Variants in ERG observed in about 807,000 individuals in gnomAD.
The protein encoded by ERG is transcriptional regulator ERG.
Under a neutral mutation model 55.3 loss-of-function variants are expected in ERG, and 9 were observed. That is an observed-to-expected ratio of 0.16 (90% CI 0.10 to 0.28). ERG has a LOEUF of 0.28. ERG is among the 10% of genes least tolerant of loss of function. The probability of loss-of-function intolerance (pLI) is 1.00; values close to 1 mark genes in which losing one functional copy is unlikely to be tolerated. For synonymous variants in ERG, 223 were observed against 237.3 expected (o/e 0.94, Z 0.55); for missense variants, 434 against 631.6 (o/e 0.69, Z 3.35).
intron 1 of ERG, among the ~76,000 whole-genome samples, chr21:38,581,916 G>A (rs1032657501): frequency 3.2e-4 from 48 of 152,102 alleles, no homozygotes; most frequent in African/African-American, 1.1e-3. Context: ...GGTGGTGGAC[G>A]CCTGTAGTCC....
rs763214429 is a variant in ERG at position 38,403,748 on chromosome 21, C to A, written c.389-39G>T. On this transcript the variant is annotated intron_variant, in intron 3 of 9. Transcript: ENST00000288319. ...GAACACATTCAGTCAATTCCTGAAG[C>A]CAGGGATCTTCATCTTGGGGTAGAT... The A allele has an allele frequency of 2.4e-5, 38 of 1,590,316 alleles. No homozygotes were observed. The East Asian group carries it at 7.6e-4, about 32-fold the overall frequency.
At chr21:38,539,062 TA>T (rs1007557087) in intron 2 of ERG, among the ~76,000 whole-genome samples, 6 of 152,352 alleles carry the variant, frequency 3.9e-5, no homozygotes, top group Admixed American at 2.6e-4. Context: ...CTATTTCTTT[TA>T]TGTCATTCAC....
chr21:38,653,959 G>A (rs1162194754), intron 1 of ERG, among the ~76,000 whole-genome samples: 2 of 152,238 alleles, frequency 1.3e-5, no homozygotes, highest in African/African-American at 2.4e-5. Flanking sequence ...TGCTCGTAAT[G>A]TACAAACAAA....
intron 1 of ERG, among the ~76,000 whole-genome samples, chr21:38,611,090 C>G (rs566019700): frequency 1.3e-5 from 2 of 152,274 alleles, no homozygotes; most frequent in South Asian, 4.1e-4. Flanking sequence ...GGGCTTCACC[C>G]TTGGCTCACT....
In ERG at chr21:38,596,621, C is replaced by T. The variant is rs192253225; in HGVS notation, c.-149-11676G>A. 1.6e-3 allele frequency among the ~76,000 whole-genome samples: 243 copies of T among 152,348 alleles called. 1 individual carries two copies. Among genetic ancestry groups the T allele is most frequent in the African/African-American group, 4.5e-3 (188 of 41,576 alleles). On this transcript the variant is annotated intron_variant, in intron 1 of 10. Coordinates refer to the ERG transcript ENST00000398910. Reference sequence around the variant, plus strand: ...TCCTGATGACAGAAATTCAACTACACAGGTACATGCAAGCTAATATCTGTT... The same window carrying T: ...TCCTGATGACAGAAATTCAACTACATAGGTACATGCAAGCTAATATCTGTT...
upstream of ERG, among the ~76,000 whole-genome samples, chr21:38,500,211 CTGAT>C (rs1248256873): frequency 2.6e-5 from 4 of 152,196 alleles, no homozygotes; most frequent in African/African-American, 9.6e-5. Flanking sequence ...CACATGGCAC[CTGAT>C]TATGCCTTTA....
intron 2 of ERG, among the ~76,000 whole-genome samples, chr21:38,545,794 C>T (rs182108294): frequency 1.5e-4 from 23 of 152,304 alleles, no homozygotes; most frequent in Admixed American, 1.4e-3. Flanking sequence ...CATCCAATCC[C>T]AAAGAAACTG....
Position 38,428,130 on chromosome 21 carries a change from G to A in ERG, c.237-4569C>T, listed in dbSNP as rs563277870. 8.3e-4 allele frequency among the ~76,000 whole-genome samples: 125 copies of A among 151,100 alleles called. 6 individuals are homozygous for A. The highest frequency in any genetic ancestry group is 3.4e-3 in the Middle Eastern group (1 of 292). On this transcript the variant is annotated intron_variant, in intron 2 of 9. Transcript: ENST00000288319. ...GGGGAGGTTGAGACTGCAGTGAGCT[G>A]AGATCATGCTACTGCACTGCAGCCT...
intron 2 of ERG, among the ~76,000 whole-genome samples, chr21:38,516,497 C>T (rs1418111772): frequency 1.3e-5 from 2 of 151,904 alleles, no homozygotes; most frequent in African/African-American, 4.8e-5. Context: ...ACTGCATGGT[C>T]ATGGATCAGA....
intron 6 of ERG, among the ~76,000 whole-genome samples, chr21:38,392,738 T>C (rs914775835): frequency 6.6e-6 from 1 of 152,354 alleles, no homozygotes; most frequent in East Asian, 1.9e-4. Flanking sequence ...TAAAAGTTTC[T>C]TACAATCTAG....
rs546676207 is a variant in ERG at position 38,657,402 on chromosome 21, G to A, written c.-150+4256C>T. On this transcript the variant is annotated intron_variant, in intron 1 of 10. Transcript: ENST00000398910. ...TTTAAATCTAAAACTTAGATCCAGC[G>A]CTCCATTTTTAGATGCACCCTTTAA... 7.9e-5 allele frequency among the ~76,000 whole-genome samples: 12 copies of A among 152,146 alleles called. No individual in the cohort carries two copies. The East Asian group carries it at 9.7e-4, about 12-fold the overall frequency.
chr21:38,465,190 T>C (rs1331011868), intron 1 of ERG, among the ~76,000 whole-genome samples: 4 of 152,194 alleles, frequency 2.6e-5, no homozygotes, highest in Admixed American at 1.3e-4. Context: ...TCTATGTAAG[T>C]AGGTTTTTGT....
chr21:38,473,041 A>T (rs1447785998), intron 1 of ERG, among the ~76,000 whole-genome samples: 1 of 151,848 alleles, frequency 6.6e-6, no homozygotes, highest in Admixed American at 6.6e-5. Flanking sequence ...AACTTCCGGG[A>T]CCTGCAAGAC....
chr21:38,543,368 A>AAAG (rs2059766965), intron 2 of ERG, among the ~76,000 whole-genome samples: 2 of 151,412 alleles, frequency 1.3e-5, no homozygotes, highest in African/African-American at 2.4e-5. Flanking sequence ...TTTTTTTAAA[A>AAAG]AAAAAGCAAT....
chr21:38,610,868 G>A lies in ERG; in HGVS notation c.-149-25923C>T, dbSNP rs1233931478. 3.9e-5 allele frequency among the ~76,000 whole-genome samples: 6 copies of A among 152,322 alleles called. No homozygotes were observed. In the East Asian group the frequency reaches 7.7e-4, roughly 20 times the overall value. On this transcript the variant is annotated intron_variant, in intron 1 of 10. Transcript: ENST00000398910. ...TCACCGCACTGGCCAAGGACAACAA[G>A]AATAGGCTTGAGGGGAGATTGAAAA...
At chr21:38,512,873 C>T (rs1462540804) in intron 2 of ERG, among the ~76,000 whole-genome samples, 2 of 152,182 alleles carry the variant, frequency 1.3e-5, no homozygotes, top group African/African-American at 2.4e-5. Context: ...TGGCTCACGC[C>T]TGTAATCCCA....
intron 1 of ERG, among the ~76,000 whole-genome samples, chr21:38,656,318 C>T (rs2060518707): frequency 6.6e-6 from 1 of 152,114 alleles, no homozygotes; most frequent in African/African-American, 2.4e-5. Context: ...CAAGAAGGAA[C>T]AGCACGTTCC....
intron 2 of ERG, among the ~76,000 whole-genome samples, chr21:38,525,420 G>A (rs189430357): frequency 1.8e-3 from 269 of 152,180 alleles, no homozygotes; most frequent in South Asian, 3.3e-3. Flanking sequence ...TTCTGGATTC[G>A]GACCTGTACA....
intron 4 of ERG, among the ~76,000 whole-genome samples, 181 bp downstream of exon 4, chr21:38,403,325 T>C (rs1988596368): frequency 6.6e-6 from 1 of 152,158 alleles, no homozygotes; most frequent in African/African-American, 2.4e-5. Flanking sequence ...CATCAGGTGA[T>C]GTGGCCAGGG....
Sources: gnomAD v4.1 joint callset for allele counts (sites outside exome capture counted in the v4.1 genomes callset) on GRCh38, gnomAD v4.1.1 for gene constraint, MANE v1.5 for transcripts, NCBI Gene and HGNC (gene_info 2026-07-23, HGNC 2026-07-21) for gene names.